The following CYP2B6 variants were observed in gnomAD, a reference collection of about 807,000 sequenced individuals.
CYP2B6 encodes the protein cytochrome P450 family 2 subfamily B member 6.
A neutral mutation model predicts 43.4 loss-of-function variants in CYP2B6; 35 were observed. That is an observed-to-expected ratio of 0.81 (90% CI 0.62 to 1.07). The LOEUF (loss-of-function observed/expected upper bound fraction) is 1.07. Ranked by LOEUF, CYP2B6 falls within the 50% of genes least tolerant of loss-of-function variation. The pLI, the probability that CYP2B6 is intolerant of heterozygous loss-of-function variation, is 0.00. For synonymous variants in CYP2B6, 239 were observed against 239.2 expected (o/e 1.00, Z 0.01); for missense variants, 624 against 632.8 (o/e 0.99, Z 0.15).
intron 1 of CYP2B6, among the ~76,000 whole-genome samples, chr19:41,001,720 T>C (rs1203833189): frequency 6.6e-6 from 1 of 152,288 alleles, no homozygotes; most frequent in East Asian, 1.9e-4. Flanking sequence ...GCACTTTCTA[T>C]GTACCAGGAA....
chr19:41,010,006 G>A lies in CYP2B6; in HGVS notation c.835G>A (p.Ala279Thr), dbSNP rs139029625. ...ACTGTGGACGCAGGAGAAATCCAAC[G>A]CACACAGTGAATTCAGCCACCAGAA... Reference protein sequence around the residue: ...LLHMEKEKSNAHSEFSHQNLN... With the variant: ...LLHMEKEKSNTHSEFSHQNLN... The change falls in exon 6 of 9, where the codon GCA (alanine) becomes ACA (threonine). Residue 279 changes from alanine to threonine, a missense_variant. By Grantham distance (58) the Ala-to-Thr change is moderately conservative. Coordinates refer to ENST00000324071, the MANE Select transcript of CYP2B6 (RefSeq NM_000767.5). 98 of 1,613,866 alleles carry A rather than the reference G, an allele frequency of 6.1e-5. No individual in the cohort carries two copies. The highest frequency in any genetic ancestry group is 8.0e-5 in the Non-Finnish European group (94 of 1,179,988).
intron 1 of CYP2B6, 66 bp downstream of exon 1, chr19:40,991,542 A>C: frequency 1.3e-6 from 2 of 1,568,998 alleles, no homozygotes; most frequent in Non-Finnish European, 1.7e-6. Context: ...GGGAAGCTTC[A>C]CCAAACAGAA....
intron 8 of CYP2B6, among the ~76,000 whole-genome samples, chr19:41,013,272 A>G (rs866728583): frequency 7.9e-5 from 12 of 152,198 alleles, no homozygotes; most frequent in Admixed American, 6.5e-4. Context: ...CATGCTTAGA[A>G]CTGCCTGGCA....
At chr19:41,011,832 C>A (rs141600685) in intron 6 of CYP2B6, among the ~76,000 whole-genome samples, 202 of 152,226 alleles carry the variant, frequency 1.3e-3, no homozygotes, top group African/African-American at 4.7e-3. Context: ...TGCTTCCTCC[C>A]TCCTCCCCTC....
chr19:40,991,317 C>T lies in CYP2B6; in HGVS notation c.12C>T (p.Ser4=), dbSNP rs1293554024. MEL[S]VLLFLALLTG... is the part of the protein sequence containing the mutation. ...GTCAGACCAGGACCATGGAACTCAG[C>T]GTCCTCCTCTTCCTTGCACTCCTCA... Residue 4 remains serine, a synonymous_variant, in exon 1 of 9, where the codon AGC becomes AGT. Transcript: ENST00000324071. 7 of 1,613,958 alleles carry T rather than the reference C, an allele frequency of 4.3e-6. No homozygotes were observed. Among genetic ancestry groups the T allele is most frequent in the East Asian group, 4.5e-5 (2 of 44,894 alleles).
chr19:40,996,555 T>G (rs1024990765), intron 1 of CYP2B6, among the ~76,000 whole-genome samples: 1 of 152,034 alleles, frequency 6.6e-6, no homozygotes, highest in Non-Finnish European at 1.5e-5. Flanking sequence ...TCACCTGAGG[T>G]TTTTGTTGTC....
At chr19:41,003,651 A>G (rs1326204257) in intron 1 of CYP2B6, among the ~76,000 whole-genome samples, 3 of 152,062 alleles carry the variant, frequency 2.0e-5, no homozygotes, top group African/African-American at 7.3e-5. Flanking sequence ...AGCTTGTCCA[A>G]CCTGCCTTAT....
intron 1 of CYP2B6, among the ~76,000 whole-genome samples, chr19:40,994,802 A>T (rs2144657819): frequency 6.6e-6 from 1 of 152,264 alleles, no homozygotes; most frequent in East Asian, 1.9e-4. Context: ...ATAGTATGTT[A>T]TTACGTACTG....
chr19:41,012,990 A>G, intron 8 of CYP2B6, 175 bp downstream of exon 8: 1 of 780,030 alleles, frequency 1.3e-6, no homozygotes. Context: ...GAGAAAGAAG[A>G]TTACATTCCC....
chr19:41,007,982 A>G (rs938564653), intron 4 of CYP2B6, among the ~76,000 whole-genome samples: 181 of 151,818 alleles, frequency 1.2e-3, no homozygotes, highest in Non-Finnish European at 4.6e-4. Context: ...TCTCCACCTA[A>G]AGAAAATGAA....
intron 6 of CYP2B6, among the ~76,000 whole-genome samples, chr19:41,011,562 G>T (rs944185583): frequency 1.3e-5 from 2 of 152,118 alleles, no homozygotes; most frequent in African/African-American, 4.8e-5. Flanking sequence ...AGTTGTTCAT[G>T]AATTCATCTA....
chr19:40,995,372 A>G lies in CYP2B6; in HGVS notation c.171+3896A>G, dbSNP rs527274205. Among the ~76,000 whole-genome samples, 4 of 152,264 alleles carry G rather than the reference A, an allele frequency of 2.6e-5. No individual in the cohort carries two copies. In the South Asian group the frequency reaches 8.3e-4, roughly 32 times the overall value. On this transcript the variant is annotated intron_variant, in intron 1 of 8. Transcript: ENST00000324071. ...AGATCCGAGACCCTGACATTTTGCT[A>G]CAGAGAAGAACTTGGCATTGTCCTT...
At chr19:41,004,275 C>T in intron 2 of CYP2B6, 22 bp from the exon 3 acceptor site, 2 of 1,613,770 alleles carry the variant, frequency 1.2e-6, no homozygotes, top group South Asian at 1.1e-5. Flanking sequence ...TACAACCAAC[C>T]CACACCTCCC....
At chr19:40,992,421 A>G (rs1420365928) in intron 1 of CYP2B6, among the ~76,000 whole-genome samples, 1 of 152,118 alleles carries the variant, frequency 6.6e-6, no homozygotes, top group African/African-American at 2.4e-5. Flanking sequence ...GACAATGTCA[A>G]CGTAGTTGAG....
chr19:41,011,013 C>A (rs1969275456), intron 6 of CYP2B6, among the ~76,000 whole-genome samples: 1 of 151,086 alleles, frequency 6.6e-6, no homozygotes, highest in African/African-American at 2.4e-5. Context: ...TATGATTCAT[C>A]TAAGGACATA....
rs147829185 is a variant in CYP2B6 at position 41,006,312 on chromosome 19, C to T, written c.485-593C>T. Among the ~76,000 whole-genome samples the T allele has an allele frequency of 3.9e-3, 571 of 146,202 alleles. 8 individuals carry two copies. The highest frequency in any genetic ancestry group is 0.014 in the African/African-American group (553 of 39,548). ...AACTGGGACTACAGGCATGTGCCAC[C>T]ATGTCTAGCTACATTTTTTTTTTTT... is the stretch of plus-strand genomic sequence containing the variant. On this transcript the variant is annotated intron_variant, in intron 3 of 8. Transcript: ENST00000324071.
intron 4 of CYP2B6, 92 bp downstream of exon 4, chr19:41,007,157 A>T (rs1969204357): frequency 7.8e-7 from 1 of 1,281,310 alleles, no homozygotes; most frequent in East Asian, 2.3e-5. Flanking sequence ...GGGCTCAGAA[A>T]TGCAGCTTAT....
chr19:41,007,130 A>T, intron 4 of CYP2B6, 65 bp downstream of exon 4: 1 of 1,509,180 alleles, frequency 6.6e-7, no homozygotes, highest in Non-Finnish European at 9.2e-7. Flanking sequence ...ACACGAGAAA[A>T]GGATGACCTG....
chr19:40,996,741 G>A (rs1420046315), intron 1 of CYP2B6, among the ~76,000 whole-genome samples: 1 of 152,142 alleles, frequency 6.6e-6, no homozygotes, highest in African/African-American at 2.4e-5. Flanking sequence ...GAAGGACCAG[G>A]CGGCCATCTA....
Sources: gnomAD v4.1 joint callset for allele counts (sites outside exome capture counted in the v4.1 genomes callset) on GRCh38, gnomAD v4.1.1 for gene constraint, MANE v1.5 for transcripts, NCBI Gene and HGNC (gene_info 2026-07-23, HGNC 2026-07-21) for gene names.